The following FOXP1 variants were observed in gnomAD, a reference collection of about 807,000 sequenced individuals.
The protein encoded by FOXP1 is forkhead box protein P1.
In FOXP1, 15 loss-of-function variants were observed where a neutral mutation model predicts 98.2. The observed-to-expected ratio is 0.15, with a 90% CI of 0.10 to 0.24. The LOEUF (loss-of-function observed/expected upper bound fraction) is 0.24, where lower values mean the gene tolerates loss of function less well. Ranked by LOEUF, FOXP1 falls within the 10% of genes least tolerant of loss-of-function variation. The pLI is 1.00. For missense variants in FOXP1, 633 were observed against 848.5 expected (o/e 0.75, Z 3.15); for synonymous variants, 371 against 314.5 (o/e 1.18, Z -1.90).
intron 19 of FOXP1, chr3:70,968,991 A>G (rs150227164): frequency 6.6e-6 from 1 of 152,230 alleles, no homozygotes; most frequent in Non-Finnish European, 1.5e-5. Flanking sequence ...ACGGCAGGAC[A>G]GTTTTGGGCT....
intron 4 of FOXP1, among the ~76,000 whole-genome samples, chr3:71,339,496 C>T (rs576419692): frequency 2.0e-5 from 3 of 152,282 alleles, no homozygotes; most frequent in Non-Finnish European, 4.4e-5. Flanking sequence ...AACTCTTCAG[C>T]GTATCAGTGT....
chr3:71,489,952 T>C (rs2090945689), intron 3 of FOXP1, among the ~76,000 whole-genome samples: 1 of 152,226 alleles, frequency 6.6e-6, no homozygotes, highest in African/African-American at 2.4e-5. Flanking sequence ...GGAGGACACT[T>C]ACCATGAAAC....
chr3:71,269,086 G>A (rs1318548885), intron 5 of FOXP1, among the ~76,000 whole-genome samples: 1 of 147,874 alleles, frequency 6.8e-6, no homozygotes, highest in Non-Finnish European at 1.5e-5. Context: ...TACTCAGAGT[G>A]GGGTTTTTTT....
At chr3:71,419,805 AT>A (rs531370975) in intron 3 of FOXP1, among the ~76,000 whole-genome samples, 32 of 150,946 alleles carry the variant, frequency 2.1e-4, no homozygotes, top group South Asian at 1.3e-3. Context: ...GGAGCTAGGT[AT>A]TTTTTTTTAT....
intron 13 of FOXP1, among the ~76,000 whole-genome samples, chr3:70,995,081 C>T (rs1041593136): frequency 2.0e-5 from 3 of 151,560 alleles, no homozygotes; most frequent in East Asian, 1.9e-4. Flanking sequence ...TTTCCCCAAA[C>T]GGAATTAAAA....
chr3:71,136,720 C>A (rs1353640466), intron 6 of FOXP1, among the ~76,000 whole-genome samples: 1 of 151,944 alleles, frequency 6.6e-6, no homozygotes, highest in African/African-American at 2.4e-5. Flanking sequence ...ATTATGAGAG[C>A]AGGTTTAGAA....
intron 7 of FOXP1, among the ~76,000 whole-genome samples, chr3:71,067,152 T>C (rs2052619360): frequency 6.6e-6 from 1 of 152,198 alleles, no homozygotes; most frequent in East Asian, 1.9e-4. Context: ...CATACTAACT[T>C]AGAAGCCACC....
chr3:71,149,383 T>A (rs957374211), intron 6 of FOXP1, among the ~76,000 whole-genome samples: 1 of 152,228 alleles, frequency 6.6e-6, no homozygotes, highest in Non-Finnish European at 1.5e-5. Context: ...CTTTCCATTT[T>A]AACATCTCTA....
chr3:71,150,016 T>G (rs1488315657), intron 6 of FOXP1, among the ~76,000 whole-genome samples: 2 of 152,234 alleles, frequency 1.3e-5, no homozygotes, highest in Non-Finnish European at 2.9e-5. Context: ...TCCACAAAAA[T>G]CAGAGCTGCA....
chr3:71,085,704 T>C (rs1377597475), intron 7 of FOXP1, among the ~76,000 whole-genome samples: 1 of 148,602 alleles, frequency 6.7e-6, no homozygotes, highest in Admixed American at 6.8e-5. Context: ...AGTTTTCATT[T>C]GGTTCTTGTA....
intron 14 of FOXP1, among the ~76,000 whole-genome samples, chr3:70,980,470 G>GA (rs2038643185): frequency 1.3e-5 from 2 of 152,108 alleles, no homozygotes; most frequent in Non-Finnish European, 2.9e-5. Flanking sequence ...TAATATCTGA[G>GA]ATGTTATTAC....
At chr3:71,137,926 G>C in intron 6 of FOXP1, among the ~76,000 whole-genome samples, 1 of 151,766 alleles carries the variant, frequency 6.6e-6, no homozygotes. Flanking sequence ...TAAAACTGAT[G>C]AGCACCCACC....
chr3:70,986,038 G>T (rs2039671858), intron 14 of FOXP1, among the ~76,000 whole-genome samples: 1 of 152,208 alleles, frequency 6.6e-6, no homozygotes, highest in African/African-American at 2.4e-5. Context: ...TAGTGGTAGA[G>T]AATTTTCAAT....
At chr3:71,487,826 C>T (rs917528402) in intron 3 of FOXP1, among the ~76,000 whole-genome samples, 2 of 152,176 alleles carry the variant, frequency 1.3e-5, no homozygotes, top group African/African-American at 2.4e-5. Context: ...AAAATACATG[C>T]AATATAAATG....
chr3:71,175,376 C>A (rs1053657939), intron 6 of FOXP1, among the ~76,000 whole-genome samples: 3 of 152,218 alleles, frequency 2.0e-5, no homozygotes, highest in Non-Finnish European at 4.4e-5. Flanking sequence ...GCCACGATGA[C>A]ACCTTCAAGG....
chr3:71,126,871 C>CAAAAAAA (rs1230464030), intron 6 of FOXP1, among the ~76,000 whole-genome samples: 1 of 77,162 alleles, frequency 1.3e-5, no homozygotes, highest in African/African-American at 4.8e-5. Flanking sequence ...AAAAAACAAA[C>CAAAAAAA]AAAAAAAAAA....
intron 3 of FOXP1, among the ~76,000 whole-genome samples, chr3:71,403,224 C>T (rs535771666): frequency 1.2e-3 from 183 of 152,296 alleles, no homozygotes; most frequent in Non-Finnish European, 2.5e-3. Flanking sequence ...CATGTCTCTT[C>T]CAGTCTGATG....
At chr3:71,547,118 A>C (rs1459640924) in intron 2 of FOXP1, among the ~76,000 whole-genome samples, 3 of 152,200 alleles carry the variant, frequency 2.0e-5, no homozygotes, top group Admixed American at 6.5e-5. Flanking sequence ...AAAAGGTTCA[A>C]GGGGGAATTC....
chr3:71,224,473 G>C lies in FOXP1; in HGVS notation c.-11-26081C>G, dbSNP rs771020389. On this transcript the variant is annotated intron_variant, in intron 5 of 20. Coordinates refer to ENST00000649528, the MANE Select transcript of FOXP1 (RefSeq NM_001349338.3). The stretch of plus-strand genomic sequence containing the variant: ...CTCTCTGCTGGGTGTGGAGGGATGT[G>C]GATACAGGACAGTGATTAAGTACAA... Among the ~76,000 whole-genome samples, 27 of 152,174 alleles carry C rather than the reference G, an allele frequency of 1.8e-4. 1 individual carries two copies. The highest frequency in any genetic ancestry group is 7.3e-5 in the Non-Finnish European group (5 of 68,032).
Sources: allele counts gnomAD v4.1 joint callset (sites outside exome capture counted in the v4.1 genomes callset), GRCh38; gene constraint gnomAD v4.1.1; transcripts MANE v1.5; gene names NCBI Gene and HGNC (gene_info 2026-07-23, HGNC 2026-07-21).